Variants in OTUD7A observed in about 807,000 individuals in gnomAD.
OTUD7A encodes OTU deubiquitinase 7A.
OTUD7A carries 12 observed loss-of-function variants against 65.7 expected under a neutral mutation model. That is an observed-to-expected ratio of 0.18 (90% CI 0.12 to 0.30). The LOEUF is 0.30. Among genes scored for constraint, OTUD7A ranks in the 10% least tolerant of loss-of-function variants. The probability of loss-of-function intolerance (pLI) is 1.00; values close to 1 mark genes in which losing one functional copy is unlikely to be tolerated. For missense variants in OTUD7A, 1,148 were observed against 1,304.8 expected (o/e 0.88, Z 1.85); for synonymous variants, 641 against 586.3 (o/e 1.09, Z -1.35).
chr15:31,856,996 C>A (rs1897592084), intron 1 of OTUD7A, among the ~76,000 whole-genome samples: 1 of 152,206 alleles, frequency 6.6e-6, no homozygotes, highest in Non-Finnish European at 1.5e-5. Flanking sequence ...CGCCAACCAT[C>A]CCTCTGTTGT....
intron 1 of OTUD7A, among the ~76,000 whole-genome samples, chr15:31,671,806 G>A (rs1398761149): frequency 6.6e-6 from 1 of 152,032 alleles, no homozygotes; most frequent in Non-Finnish European, 1.5e-5. Context: ...ACATGCACAG[G>A]TTTGTGATAT....
At chr15:31,721,612 T>G (rs993764607) in intron 1 of OTUD7A, among the ~76,000 whole-genome samples, 1 of 152,028 alleles carries the variant, frequency 6.6e-6, no homozygotes, top group African/African-American at 2.4e-5. Context: ...ATCACTCATT[T>G]CCTCCTCCAT....
At chr15:31,685,677 C>T (rs1236318450) in intron 1 of OTUD7A, among the ~76,000 whole-genome samples, 3 of 152,164 alleles carry the variant, frequency 2.0e-5, no homozygotes, top group African/African-American at 7.2e-5. Context: ...ATCCCAGTTA[C>T]CAAATGCTTG....
intron 1 of OTUD7A, among the ~76,000 whole-genome samples, chr15:31,781,430 C>A (rs756727634): frequency 6.6e-5 from 10 of 152,144 alleles, no homozygotes; most frequent in Non-Finnish European, 1.5e-4. Flanking sequence ...GCTGGGGTCC[C>A]AGACATCATG....
intron 1 of OTUD7A, among the ~76,000 whole-genome samples, chr15:31,754,441 G>A (rs1894752428): frequency 1.3e-5 from 2 of 152,212 alleles, no homozygotes; most frequent in Admixed American, 1.3e-4. Context: ...CCTAAGCCAA[G>A]GTCTAGAAGG....
chr15:31,817,424 C>A (rs953662654), intron 1 of OTUD7A, among the ~76,000 whole-genome samples: 3 of 152,000 alleles, frequency 2.0e-5, no homozygotes, highest in South Asian at 4.1e-4. Flanking sequence ...AGATTAGGTG[C>A]CTTTTAGTGA....
chr15:31,592,904 AATATATATATATATATAT>A (rs1226266359), intron 3 of OTUD7A, among the ~76,000 whole-genome samples: 56 of 59,364 alleles, frequency 9.4e-4, no homozygotes, highest in African/African-American at 2.7e-3. Flanking sequence ...AAAAAAAAAA[AATATATATATATATATAT>A]ATATATATAT....
intron 3 of OTUD7A, among the ~76,000 whole-genome samples, chr15:31,631,542 T>C (rs1891155111): frequency 6.6e-6 from 1 of 152,198 alleles, no homozygotes; most frequent in South Asian, 2.1e-4. Flanking sequence ...CATTTCAACT[T>C]TGGTGAATCT....
chr15:31,863,785 T>C (rs905801499), intron 1 of OTUD7A, among the ~76,000 whole-genome samples: 11 of 152,236 alleles, frequency 7.2e-5, no homozygotes, highest in Non-Finnish European at 1.0e-4. Flanking sequence ...GGATCCTTGC[T>C]ACTTATGCAC....
At position 31,482,406 on chromosome 15, in the gene OTUD7A, C is replaced by G; in HGVS notation, c.*888G>C. 6.6e-6 allele frequency: 1 copy of G among 152,354 alleles called. No individual in the cohort carries two copies. The highest frequency in any genetic ancestry group is 1.5e-5 in the Non-Finnish European group (1 of 68,118). The allele number at this position is 152,354 out of a possible 1,614,324, so 9.4% of individuals were successfully genotyped here. ...TCTCCCGGGGCACCGATGGTCACCGCCCAGGGGCCCGCCAGCGACAGTCCA... is the reference window on the plus strand; with the variant it reads ...TCTCCCGGGGCACCGATGGTCACCGGCCAGGGGCCCGCCAGCGACAGTCCA... On this transcript the variant is annotated 3_prime_UTR_variant, in exon 13 of 13. Transcript: ENST00000307050.
At chr15:31,662,370 A>G (rs1892189808) in intron 1 of OTUD7A, among the ~76,000 whole-genome samples, 1 of 152,198 alleles carries the variant, frequency 6.6e-6, no homozygotes, top group African/African-American at 2.4e-5. Context: ...GCTTCCTTCC[A>G]CGGGATCAAT....
chr15:31,667,234 C>T (rs1892346088), intron 1 of OTUD7A, among the ~76,000 whole-genome samples: 1 of 134,048 alleles, frequency 7.5e-6, no homozygotes, highest in Non-Finnish European at 1.6e-5. Flanking sequence ...TACTGAAGTC[C>T]CCCATATTAT....
rs192692743 is a variant in OTUD7A at position 31,834,116 on chromosome 15, T to C, written c.-100+36391A>G. 1.5e-4 allele frequency among the ~76,000 whole-genome samples: 23 copies of C among 152,374 alleles called. No homozygotes were observed. In the South Asian group the frequency reaches 4.6e-3, roughly 30 times the overall value. On this transcript the variant is annotated intron_variant, in intron 1 of 12. Coordinates refer to ENST00000307050, the MANE Select transcript of OTUD7A (RefSeq NM_001382637.1). ...CTTTTGCTTTGGGCAGAGTCATAAT[T>C]TGAATGGCCTCAGGTGCCCTAAAAC...
intron 1 of OTUD7A, among the ~76,000 whole-genome samples, chr15:31,722,485 C>G (rs1893767296): frequency 6.6e-6 from 1 of 152,254 alleles, no homozygotes; most frequent in African/African-American, 2.4e-5. Flanking sequence ...TGCAAACACA[C>G]TCCTGAATGC....
chr15:31,479,816 T>C lies in OTUD7A; in HGVS notation c.*3478A>G, dbSNP rs933728870. 6.6e-6 allele frequency: 1 copy of C among 152,174 alleles called. No individual in the cohort carries two copies. Among genetic ancestry groups the C allele is most frequent in the African/African-American group, 2.4e-5 (1 of 41,450 alleles). 9.4% of individuals were successfully genotyped at this position (152,174 alleles called of 1,614,324 possible). A position where few individuals can be genotyped will look rare whatever the true frequency, so the allele number is the denominator to read the frequency against. On this transcript the variant is annotated 3_prime_UTR_variant, in exon 13 of 13. Transcript: ENST00000307050. ...CTTGACAGTAAGCTACGAGAAGTAG[T>C]AAATTAAATCATTTGGGAAAACATT... is the stretch of plus-strand genomic sequence containing the variant.
At chr15:31,580,416 T>C (rs1889337871) in intron 3 of OTUD7A, among the ~76,000 whole-genome samples, 1 of 152,200 alleles carries the variant, frequency 6.6e-6, no homozygotes, top group Non-Finnish European at 1.5e-5. Context: ...AAATAAAGTA[T>C]TTGCATTTAA....
intron 1 of OTUD7A, among the ~76,000 whole-genome samples, chr15:31,870,033 C>G (rs1897983862): frequency 6.6e-6 from 1 of 151,288 alleles, no homozygotes; most frequent in Non-Finnish European, 1.5e-5. Context: ...AGCTCCGGTG[C>G]CCGGCGAGCG....
rs770898697 is a variant in OTUD7A, at chr15:31,484,570, C to T, written c.1526G>A (p.Arg509His). 4.3e-6 allele frequency: 7 copies of T among 1,611,124 alleles called. No individual in the cohort carries two copies. The highest frequency in any genetic ancestry group is 4.2e-6 in the Non-Finnish European group (5 of 1,179,626). The change falls in exon 13 of 13, where the codon CGC becomes CAC. Residue 509 changes from arginine (R) to histidine (H), a missense_variant. This residue lies in a region of OTUD7A where 842 missense variants were observed against 769.5 expected (regional missense o/e 1.09). Transcript: ENST00000307050. This position sits in a 1 kb window ranked among gnomAD's most constrained non-coding sequence, Gnocchi z 4.5. ...GGCGCGCGTCTTGTCCTTCTCCTTG[C>T]GCTGCTTCTCCTTCTCCTTGTCCTT... ...NGKDKEKEKQ[R>H]KEKDKTRADS...
chr15:31,744,441 C>T (rs1022444193), intron 1 of OTUD7A, among the ~76,000 whole-genome samples: 6 of 151,920 alleles, frequency 3.9e-5, no homozygotes, highest in Admixed American at 6.6e-5. Flanking sequence ...GGCAAACATT[C>T]AAAAACCAAT....
Sources: gnomAD v4.1 joint callset for allele counts (sites outside exome capture counted in the v4.1 genomes callset) on GRCh38, gnomAD v4.1.1 for gene constraint, gnomAD v4.1.1 regional missense constraint, Gnocchi (gnomAD v3.1) non-coding constraint, MANE v1.5 for transcripts, NCBI Gene and HGNC (gene_info 2026-07-23, HGNC 2026-07-21) for gene names.